Variants in ATF6 observed in about 807,000 individuals in gnomAD.
The protein encoded by ATF6 is cyclic AMP-dependent transcription factor ATF-6 alpha.
ATF6 carries 53 observed loss-of-function variants against 83.6 expected under a neutral mutation model. The ratio of observed to expected loss-of-function variants is 0.63; its 90% CI spans 0.51 to 0.80. The LOEUF (loss-of-function observed/expected upper bound fraction) is 0.80, where lower values mean the gene tolerates loss of function less well. Ranked by LOEUF, ATF6 falls within the 30% of genes least tolerant of loss-of-function variation. The probability of loss-of-function intolerance (pLI) is 0.00; values close to 1 mark genes in which losing one functional copy is unlikely to be tolerated. For missense variants in ATF6, 744 were observed against 797.9 expected, an observed-to-expected ratio of 0.93 and a Z score of 0.81; for synonymous variants, 288 against 285.8, an observed-to-expected ratio of 1.01 and a Z score of -0.08.
intron 9 of ATF6, among the ~76,000 whole-genome samples, chr1:161,838,485 T>A (rs1686276267): frequency 6.6e-6 from 1 of 152,128 alleles, no homozygotes; most frequent in Non-Finnish European, 1.5e-5. Flanking sequence ...GTGGCTTAGG[T>A]TGGAGGACCC....
At chr1:161,873,501 C>T (rs1349622482) in intron 14 of ATF6, among the ~76,000 whole-genome samples, 1 of 151,506 alleles carries the variant, frequency 6.6e-6, no homozygotes, top group African/African-American at 2.4e-5. Context: ...ATATAGTATA[C>T]AGTGATTTGT....
chr1:161,817,511 G>A (rs915774982), intron 7 of ATF6, among the ~76,000 whole-genome samples: 5 of 152,138 alleles, frequency 3.3e-5, no homozygotes, highest in Admixed American at 6.5e-5. Context: ...TTGTATGTGC[G>A]TGCGTGTGTG....
intron 1 of ATF6, among the ~76,000 whole-genome samples, chr1:161,767,039 A>C (rs1359350703): frequency 6.6e-6 from 1 of 152,002 alleles, no homozygotes; most frequent in Non-Finnish European, 1.5e-5. Flanking sequence ...TTGTTAATGG[A>C]TATTTTGTTT....
intron 15 of ATF6, among the ~76,000 whole-genome samples, chr1:161,945,200 G>T (rs1688725730): frequency 6.6e-6 from 1 of 152,180 alleles, no homozygotes; most frequent in Non-Finnish European, 1.5e-5. Flanking sequence ...GATAGAACAA[G>T]TCTGCAAAAG....
intron 15 of ATF6, among the ~76,000 whole-genome samples, chr1:161,928,591 T>C (rs1194553918): frequency 2.6e-5 from 4 of 151,420 alleles, no homozygotes; most frequent in Non-Finnish European, 4.4e-5. Flanking sequence ...TTGCTTCCTT[T>C]TTCCATGACA....
chr1:161,867,909 C>T (rs1439992917), intron 14 of ATF6, among the ~76,000 whole-genome samples: 2 of 152,140 alleles, frequency 1.3e-5, no homozygotes, highest in African/African-American at 4.8e-5. Flanking sequence ...GGTATGCACC[C>T]CTTACTGGTC....
At chr1:161,925,718 A>G (rs1298815866) in intron 15 of ATF6, among the ~76,000 whole-genome samples, 1 of 152,208 alleles carries the variant, frequency 6.6e-6, no homozygotes, top group Middle Eastern at 3.2e-3. Context: ...TAGCTGCTCA[A>G]AAATGTTTGT....
intron 9 of ATF6, among the ~76,000 whole-genome samples, chr1:161,840,911 A>C (rs1386550572): frequency 6.6e-6 from 1 of 152,166 alleles, no homozygotes; most frequent in Non-Finnish European, 1.5e-5. Context: ...TTTTAAACGT[A>C]CTGAGTAGAA....
intron 4 of ATF6, among the ~76,000 whole-genome samples, chr1:161,789,953 C>T (rs950895661): frequency 6.6e-6 from 1 of 152,170 alleles, no homozygotes; most frequent in Non-Finnish European, 1.5e-5. Flanking sequence ...TTGTCACTCT[C>T]ACCAGTGAGA....
intron 15 of ATF6, among the ~76,000 whole-genome samples, chr1:161,953,778 T>G (rs1270702940): frequency 6.6e-6 from 1 of 152,174 alleles, no homozygotes; most frequent in Non-Finnish European, 1.5e-5. Context: ...TTCTTCCCAC[T>G]TATAACTGAG....
intron 13 of ATF6, among the ~76,000 whole-genome samples, chr1:161,862,571 C>G (rs1351639358): frequency 6.6e-6 from 1 of 151,962 alleles, no homozygotes; most frequent in Non-Finnish European, 1.5e-5. Context: ...TTGAGTGACT[C>G]CTATGGGACA....
At chr1:161,923,445 C>G (rs1278025603) in intron 15 of ATF6, among the ~76,000 whole-genome samples, 1 of 152,142 alleles carries the variant, frequency 6.6e-6, no homozygotes, top group Non-Finnish European at 1.5e-5. Context: ...ATTTTTAACT[C>G]TTCCCAAACC....
chr1:161,931,022 G>A (rs1209307172), intron 15 of ATF6, among the ~76,000 whole-genome samples: 1 of 151,954 alleles, frequency 6.6e-6, no homozygotes, highest in Non-Finnish European at 1.5e-5. Context: ...GATTACAGGT[G>A]CACACCACCA....
intron 8 of ATF6, 110 bp downstream of exon 8, chr1:161,819,928 GA>G: frequency 1.9e-6 from 2 of 1,051,008 alleles, no homozygotes; most frequent in Non-Finnish European, 2.6e-6. Flanking sequence ...ATAGTGCTAG[GA>G]AAAGGAGGGT....
At chr1:161,934,286 A>C (rs1020920940) in intron 15 of ATF6, among the ~76,000 whole-genome samples, 1 of 152,178 alleles carries the variant, frequency 6.6e-6, no homozygotes, top group Non-Finnish European at 1.5e-5. Flanking sequence ...TCAGAACCAA[A>C]ACTTTTTAAA....
chr1:161,946,854 T>C (rs1688758290), intron 15 of ATF6, among the ~76,000 whole-genome samples: 1 of 152,242 alleles, frequency 6.6e-6, no homozygotes, highest in Non-Finnish European at 1.5e-5. Context: ...TCCCTGGCTG[T>C]TACCCTTCAT....
intron 14 of ATF6, among the ~76,000 whole-genome samples, chr1:161,904,620 A>C (rs1276907886): frequency 6.7e-6 from 1 of 148,436 alleles, no homozygotes. Flanking sequence ...AAAACAAAAA[A>C]AACAAAACAC....
At chr1:161,820,958 T>C (rs2101785387) in intron 8 of ATF6, 112 bp from the exon 9 acceptor site, 1 of 602,330 alleles carries the variant, frequency 1.7e-6, no homozygotes, top group Non-Finnish European at 2.7e-6. Flanking sequence ...ACAAGGTATT[T>C]GTAAGACAAG....
At chr1:161,938,242 G>T (rs1688576734) in intron 15 of ATF6, among the ~76,000 whole-genome samples, 1 of 152,176 alleles carries the variant, frequency 6.6e-6, no homozygotes, top group Admixed American at 6.5e-5. Context: ...TATTATATGA[G>T]ACTGTGCTAC....
Sources: gnomAD v4.1 joint callset for allele counts (sites outside exome capture counted in the v4.1 genomes callset) on GRCh38, gnomAD v4.1.1 for gene constraint, MANE v1.5 for transcripts, NCBI Gene and HGNC (gene_info 2026-07-23, HGNC 2026-07-21) for gene names.